The following KALRN variants were observed in gnomAD, a reference collection of about 807,000 sequenced individuals.
KALRN encodes the protein kalirin.
In KALRN, 70 loss-of-function variants were observed where a neutral mutation model predicts 353.7. The observed-to-expected ratio is 0.20, with a 90% CI of 0.16 to 0.24. The LOEUF (loss-of-function observed/expected upper bound fraction) is 0.24. Ranked by LOEUF, KALRN falls within the 10% of genes least tolerant of loss-of-function variation. The pLI, the probability that KALRN is intolerant of heterozygous loss-of-function variation, is 1.00. For missense variants in KALRN, 2,791 were observed against 3,756.7 expected, an observed-to-expected ratio of 0.74 and a Z score of 6.72; for synonymous variants, 1,391 against 1,434.8, an observed-to-expected ratio of 0.97 and a Z score of 0.69.
At chr3:124,069,382 G>C (rs2042662831) in intron 1 of KALRN, among the ~76,000 whole-genome samples, 1 of 145,804 alleles carries the variant, frequency 6.9e-6, no homozygotes, top group Admixed American at 6.9e-5. Flanking sequence ...AAATACTGAG[G>C]GAACCTGGTT....
intron 9 of KALRN, among the ~76,000 whole-genome samples, chr3:124,345,273 A>G (rs2082151942): frequency 6.6e-6 from 1 of 152,200 alleles, no homozygotes; most frequent in South Asian, 2.1e-4. Context: ...ACTTTACTAT[A>G]CTTCGCACCT....
In KALRN at chr3:124,274,358, T is replaced by C. The variant is rs570658625; in HGVS notation, c.969+5103T>C. 3.6e-4 allele frequency among the ~76,000 whole-genome samples: 55 copies of C among 152,358 alleles called. 1 individual carries two copies. Among genetic ancestry groups the C allele is most frequent in the African/African-American group, 1.3e-3 (55 of 41,592 alleles). ...TCTGATGTGGGGAAGGCCCTCAGTC[T>C]TCCAGTCTTTTCAGGGAAGGAGCAG... On this transcript the variant is annotated intron_variant, in intron 5 of 59. Transcript: ENST00000682506.
At chr3:124,179,435 C>T (rs2073252268) in intron 1 of KALRN, among the ~76,000 whole-genome samples, 1 of 152,198 alleles carries the variant, frequency 6.6e-6, no homozygotes, top group Non-Finnish European at 1.5e-5. Context: ...CTGTTGTCTC[C>T]TATGGTAACA....
intron 1 of KALRN, among the ~76,000 whole-genome samples, chr3:124,147,554 C>T (rs1407528675): frequency 6.6e-6 from 1 of 152,114 alleles, no homozygotes; most frequent in African/African-American, 2.4e-5. Context: ...ATAATTATAC[C>T]TTCATAGGAA....
intron 11 of KALRN, among the ~76,000 whole-genome samples, chr3:124,387,075 CT>C (rs1250009674): frequency 2.6e-5 from 4 of 151,762 alleles, no homozygotes; most frequent in African/African-American, 9.7e-5. Context: ...TTTTATTTTT[CT>C]TTTTTGCATT....
chr3:124,149,116 A>G (rs1161580791), intron 1 of KALRN, among the ~76,000 whole-genome samples: 1 of 152,238 alleles, frequency 6.6e-6, no homozygotes, highest in East Asian at 1.9e-4. Context: ...ACTGAAAGCC[A>G]GGTCTGGCAG....
chr3:124,699,673 C>A (rs2062224860), intron 55 of KALRN, among the ~76,000 whole-genome samples, 196 bp from the exon 56 acceptor site: 1 of 152,228 alleles, frequency 6.6e-6, no homozygotes, highest in African/African-American at 2.4e-5. Flanking sequence ...CCACGCCTCT[C>A]ACCATTTATT....
At chr3:124,336,043 GACTGTGACACTC>G (rs549491241) in intron 9 of KALRN, among the ~76,000 whole-genome samples, 3 of 152,134 alleles carry the variant, frequency 2.0e-5, no homozygotes, top group Non-Finnish European at 1.5e-5. Flanking sequence ...TCTTATCACT[GACTGTGACACTC>G]TCTGAATAGG....
At chr3:124,554,812 A>G (rs565077688) in intron 33 of KALRN, among the ~76,000 whole-genome samples, 1 of 152,314 alleles carries the variant, frequency 6.6e-6, no homozygotes, top group Non-Finnish European at 1.5e-5. Flanking sequence ...CTGTGAAGTG[A>G]TCTGGCAGGA....
At chr3:124,706,293 G>T (rs957735952) in intron 57 of KALRN, among the ~76,000 whole-genome samples, 1 of 152,220 alleles carries the variant, frequency 6.6e-6, no homozygotes, top group Admixed American at 6.5e-5. Flanking sequence ...GAGCCATTCT[G>T]CAAACAGGGA....
rs1324038181 is a variant in KALRN, at chr3:124,671,895, C to G, written c.6939C>G (p.Ser2313Arg). ...AGCCTGGGGACAAGTTCGAAGCCAG[C>G]AAGGTAAGTGACAACTCATTACTCC... ...YHQPGDKFEA[S>R]KNDLGGCNGT... Residue 2313 changes from serine to arginine, a missense_variant, in exon 48 of 60, where the codon AGC (serine) becomes AGG (arginine). Ser to Arg is a moderately radical substitution (Grantham distance 110). Transcript: ENST00000682506. 3 of 1,607,740 alleles carry G rather than the reference C, an allele frequency of 1.9e-6. No homozygotes were observed. Among genetic ancestry groups the G allele is most frequent in the South Asian group, 1.1e-5 (1 of 90,890 alleles).
chr3:124,646,709 T>G (rs1168247686), intron 37 of KALRN, among the ~76,000 whole-genome samples: 2 of 151,826 alleles, frequency 1.3e-5, no homozygotes, highest in Non-Finnish European at 2.9e-5. Flanking sequence ...ATTTTTTTTT[T>G]TTTTAATTAA....
intron 1 of KALRN, among the ~76,000 whole-genome samples, chr3:124,047,531 T>G (rs889674794): frequency 6.7e-6 from 1 of 149,298 alleles, no homozygotes; most frequent in Non-Finnish European, 1.5e-5. Context: ...CTCGCTCTGT[T>G]GCCCAGGCTG....
intron 3 of KALRN, among the ~76,000 whole-genome samples, chr3:124,257,292 G>C (rs2072155736): frequency 6.6e-6 from 1 of 152,152 alleles, no homozygotes; most frequent in African/African-American, 2.4e-5. Flanking sequence ...GTTGTCCTTG[G>C]ATCACTATGG....
intron 1 of KALRN, among the ~76,000 whole-genome samples, chr3:124,208,037 C>T (rs1017518424): frequency 2.0e-5 from 3 of 152,140 alleles, no homozygotes; most frequent in Non-Finnish European, 4.4e-5. Context: ...ACACGCTTTC[C>T]CCCCCAGTTC....
At position 124,385,466 on chromosome 3, in the gene KALRN, C is replaced by T. The variant is rs139079738; in HGVS notation, c.1962+430C>T. ...AACTTGTAGGACTACCAGCAAGGAA[C>T]ATGTAGAGTTTACAGATGTGTTTTT... On this transcript the variant is annotated intron_variant, in intron 11 of 59. Coordinates refer to ENST00000682506, the MANE Select transcript of KALRN (RefSeq NM_001388419.1). 5.9e-5 allele frequency among the ~76,000 whole-genome samples: 9 copies of T among 152,268 alleles called. No homozygotes were observed. In the East Asian group the frequency reaches 1.7e-3, roughly 29 times the overall value.
At chr3:124,066,151 A>G (rs1207796553) in intron 1 of KALRN, among the ~76,000 whole-genome samples, 6 of 152,196 alleles carry the variant, frequency 3.9e-5, no homozygotes, top group African/African-American at 1.4e-4. Flanking sequence ...AGACAATGAC[A>G]TGAACATTGT....
intron 5 of KALRN, among the ~76,000 whole-genome samples, chr3:124,279,799 CAAAT>C (rs1390938753): frequency 6.6e-6 from 1 of 152,210 alleles, no homozygotes; most frequent in African/African-American, 2.4e-5. Flanking sequence ...CACCAGCAAA[CAAAT>C]AGCCATTGCA....
intron 9 of KALRN, among the ~76,000 whole-genome samples, chr3:124,340,621 G>T (rs139101410): frequency 1.3e-5 from 2 of 152,126 alleles, no homozygotes; most frequent in East Asian, 3.9e-4. Flanking sequence ...TGCGTTCATG[G>T]CCACTATACA....
Sources: gnomAD v4.1 joint callset for allele counts (sites outside exome capture counted in the v4.1 genomes callset) on GRCh38, gnomAD v4.1.1 for gene constraint, MANE v1.5 for transcripts, NCBI Gene and HGNC (gene_info 2026-07-23, HGNC 2026-07-21) for gene names.